Variants in HLCS observed in about 807,000 individuals in gnomAD.
HLCS encodes holocarboxylase synthetase, also known as biotin--protein ligase.
Under a neutral mutation model 75.0 loss-of-function variants are expected in HLCS, and 53 were observed. That is an observed-to-expected ratio of 0.71 (90% CI 0.57 to 0.89). The LOEUF is 0.89. Among genes scored for constraint, HLCS ranks in the 40% least tolerant of loss-of-function variants. The pLI is 0.00. For missense variants in HLCS, 966 were observed against 1,074.0 expected, an observed-to-expected ratio of 0.90 and a Z score of 1.41; for synonymous variants, 431 against 428.6, an observed-to-expected ratio of 1.01 and a Z score of -0.07.
intron 5 of HLCS, among the ~76,000 whole-genome samples, chr21:36,897,876 CA>C (rs897884232): frequency 6.6e-6 from 1 of 152,104 alleles, no homozygotes; most frequent in African/African-American, 2.4e-5. Context: ...GGCCTTCCTC[CA>C]GGGTGGTTTA....
intron 5 of HLCS, among the ~76,000 whole-genome samples, chr21:36,929,392 G>A (rs1333915429): frequency 6.6e-6 from 1 of 152,194 alleles, no homozygotes; most frequent in Admixed American, 6.5e-5. Flanking sequence ...TTCTCCAAGT[G>A]AGCCCATCAC....
chr21:36,869,259 G>A (rs571482048), intron 6 of HLCS, among the ~76,000 whole-genome samples: 1 of 152,122 alleles, frequency 6.6e-6, no homozygotes, highest in South Asian at 2.1e-4. Context: ...GGAGTAGCTG[G>A]GACTACAGGC....
At chr21:36,880,311 G>A (rs1314860720) in intron 6 of HLCS, among the ~76,000 whole-genome samples, 2 of 152,140 alleles carry the variant, frequency 1.3e-5, no homozygotes, top group Non-Finnish European at 2.9e-5. Context: ...GGGAAGAGGA[G>A]GCAGGAGAAG....
chr21:36,766,415 C>CAA (rs59458312), intron 7 of HLCS, among the ~76,000 whole-genome samples: 1,622 of 147,462 alleles, frequency 0.011, 38 homozygotes, highest in African/African-American at 0.038. Flanking sequence ...TTTCAAAAAA[C>CAA]AAAAAAAAAA....
intron 6 of HLCS, among the ~76,000 whole-genome samples, chr21:36,869,880 A>G (rs945209531): frequency 2.6e-5 from 4 of 152,164 alleles, no homozygotes; most frequent in African/African-American, 9.7e-5. Flanking sequence ...TCATTTTATG[A>G]ACAATAGGGG....
At chr21:36,848,876 C>G (rs979601267) in intron 6 of HLCS, among the ~76,000 whole-genome samples, 1 of 152,060 alleles carries the variant, frequency 6.6e-6, no homozygotes, top group African/African-American at 2.4e-5. Context: ...AAAGAAATCC[C>G]AAAGGATGGG....
intron 6 of HLCS, among the ~76,000 whole-genome samples, chr21:36,879,858 C>G (rs561018877): frequency 6.6e-6 from 1 of 150,962 alleles, no homozygotes; most frequent in South Asian, 2.1e-4. Context: ...TGCAGTGAGC[C>G]GAGATTGCAC....
intron 6 of HLCS, among the ~76,000 whole-genome samples, chr21:36,829,953 A>G (rs1389916366): frequency 2.6e-5 from 4 of 152,320 alleles, no homozygotes; most frequent in Admixed American, 1.3e-4. Context: ...AAAAATTCAG[A>G]TATTGAAGTC....
At chr21:36,790,871 T>A (rs2060840639) in intron 6 of HLCS, among the ~76,000 whole-genome samples, 1 of 152,120 alleles carries the variant, frequency 6.6e-6, no homozygotes, top group Admixed American at 6.6e-5. Context: ...GGAAAAAAAA[T>A]GAGGAAGTCA....
Position 36,949,058 on chromosome 21 carries a change from C to T in HLCS, c.331-10064G>A, listed in dbSNP as rs1347263160. 2.6e-5 allele frequency among the ~76,000 whole-genome samples: 4 copies of T among 152,288 alleles called. No individual in the cohort carries two copies. The East Asian group carries it at 7.7e-4, about 29-fold the overall frequency. On this transcript the variant is annotated intron_variant, in intron 2 of 10. Coordinates refer to ENST00000674895, the MANE Select transcript of HLCS (RefSeq NM_001352514.2). ...GGCCTGCTAAGGTGTGCTGCATTCA[C>T]ATCCACAGTTACCTCCCACCTCATC... is the stretch of plus-strand genomic sequence containing the variant.
At chr21:36,935,829 T>C (rs1196197575) in intron 4 of HLCS, among the ~76,000 whole-genome samples, 1 of 152,254 alleles carries the variant, frequency 6.6e-6, no homozygotes, top group Non-Finnish European at 1.5e-5. Flanking sequence ...TTTCCTTTCA[T>C]CCTCTTTCCA....
chr21:36,939,644 G>C (rs1383874689), intron 2 of HLCS, among the ~76,000 whole-genome samples: 1 of 152,150 alleles, frequency 6.6e-6, no homozygotes, highest in African/African-American at 2.4e-5. Flanking sequence ...GGGAGAAAGA[G>C]AGCAGGCAAA....
chr21:36,830,783 C>T (rs985221371), intron 6 of HLCS, among the ~76,000 whole-genome samples: 2 of 136,468 alleles, frequency 1.5e-5, no homozygotes, highest in African/African-American at 5.6e-5. Context: ...GATGATGCCA[C>T]TGTACTCCAG....
At chr21:36,819,757 T>C (rs1456021400) in intron 6 of HLCS, among the ~76,000 whole-genome samples, 2 of 152,108 alleles carry the variant, frequency 1.3e-5, no homozygotes, top group African/African-American at 2.4e-5. Context: ...GAGGATTAAA[T>C]TGAGGTCTGC....
intron 6 of HLCS, among the ~76,000 whole-genome samples, chr21:36,874,458 G>C (rs2063890156): frequency 6.6e-6 from 1 of 151,710 alleles, no homozygotes. Context: ...AGCCAATAAG[G>C]TGCAGATCTA....
At chr21:36,953,147 C>G (rs1569240822) in intron 2 of HLCS, among the ~76,000 whole-genome samples, 1 of 152,112 alleles carries the variant, frequency 6.6e-6, no homozygotes, top group Non-Finnish European at 1.5e-5. Context: ...AGGTTTCACT[C>G]TAATACAATG....
intron 6 of HLCS, among the ~76,000 whole-genome samples, chr21:36,872,842 T>C (rs1190774479): frequency 6.6e-6 from 1 of 152,182 alleles, no homozygotes; most frequent in Non-Finnish European, 1.5e-5. Context: ...TGGGTAAATA[T>C]CTAGGGATGG....
chr21:36,838,324 ACACACC>A (rs1047382321), intron 6 of HLCS, among the ~76,000 whole-genome samples: 1 of 151,524 alleles, frequency 6.6e-6, no homozygotes, highest in African/African-American at 2.4e-5. Flanking sequence ...ACACACACAC[ACACACC>A]CCCACAACCA....
chr21:36,956,648 T>C (rs1162011217), intron 2 of HLCS, among the ~76,000 whole-genome samples: 1 of 152,026 alleles, frequency 6.6e-6, no homozygotes, highest in African/African-American at 2.4e-5. Flanking sequence ...GAGAATGGCA[T>C]GAACCCGGGA....
Sources: gnomAD v4.1 joint callset for allele counts (sites outside exome capture counted in the v4.1 genomes callset) on GRCh38, gnomAD v4.1.1 for gene constraint, MANE v1.5 for transcripts, NCBI Gene and HGNC (gene_info 2026-07-23, HGNC 2026-07-21) for gene names.